The following ARSL variants were observed in gnomAD, a reference collection of about 807,000 sequenced individuals.
ARSL encodes the protein arylsulfatase E (chondrodysplasia punctata 1).
A neutral mutation model predicts 31.1 loss-of-function variants in ARSL; 4 were observed. The observed-to-expected ratio is 0.13, with a 90% CI of 0.06 to 0.29. The LOEUF (loss-of-function observed/expected upper bound fraction) is 0.29. Ranked by LOEUF, ARSL falls within the 10% of genes least tolerant of loss-of-function variation. The pLI, the probability that ARSL is intolerant of heterozygous loss-of-function variation, is 1.00. For synonymous variants in ARSL, 198 were observed against 209.9 expected (o/e 0.94, Z 0.49); for missense variants, 312 against 497.8 (o/e 0.63, Z 3.55).
At position 2,961,333 on chromosome X, in the gene ARSL, G is replaced by A. The variant is rs764875803; in HGVS notation, c.-20-913C>T. The stretch of plus-strand genomic sequence containing the variant: ...CAGGCAGCAAGAGGTCACCTTCAGG[G>A]TACTGCAGTGGTCTGACCCCATGTG... On this transcript the variant is annotated intron_variant, in intron 1 of 10. Transcript: ENST00000381134. Among the ~76,000 whole-genome samples the A allele has an allele frequency of 6.3e-5, 7 of 111,107 alleles. No individual in the cohort carries two copies. The South Asian group carries it at 2.0e-3, about 31-fold the overall frequency.
chrX:2,943,524 T>C (rs952634218), intron 7 of ARSL, among the ~76,000 whole-genome samples: 9 of 108,573 alleles, frequency 8.3e-5, no homozygotes, highest in African/African-American at 3.4e-5. Flanking sequence ...GGAGGATCAT[T>C]TGGGGTCAGG....
chrX:2,954,771 G>A (rs1569108064), intron 4 of ARSL, among the ~76,000 whole-genome samples: 1 of 112,061 alleles, frequency 8.9e-6, no homozygotes, highest in Non-Finnish European at 1.9e-5. Context: ...GGTGAGCCAT[G>A]CTGTGTGACT....
intron 7 of ARSL, 128 bp downstream of exon 7, chrX:2,945,870 T>C: frequency 3.2e-6 from 3 of 942,028 alleles, no homozygotes; most frequent in Non-Finnish European, 4.5e-6. Flanking sequence ...TATTTTGCAC[T>C]CTTAAAATCC....
At chrX:2,955,861 C>A (rs2147394975) in intron 3 of ARSL, among the ~76,000 whole-genome samples, 1 of 111,470 alleles carries the variant, frequency 9.0e-6, no homozygotes, top group African/African-American at 3.3e-5. Flanking sequence ...CCTGTCTCTA[C>A]AAAAAAATCT....
intron 4 of ARSL, among the ~76,000 whole-genome samples, chrX:2,955,074 G>A (rs1213459757): frequency 8.9e-6 from 1 of 111,902 alleles, no homozygotes; most frequent in Non-Finnish European, 1.9e-5. Context: ...TTTGGTTTAT[G>A]CATGAAAGGT....
rs1172349807 is a variant in ARSL, at chrX:2,934,921, T to C, written c.1681A>G (p.Arg561Gly). The C allele has an allele frequency of 8.3e-7, 1 of 1,205,945 alleles. No homozygotes were observed. The highest frequency in any genetic ancestry group is 2.2e-5 in the Admixed American group (1 of 45,553). ...TLSPVPLQLD[R>G]LGNIWRPWLQ... is the part of the protein sequence containing the mutation. ...CACGGTCTCCAGATGTTGCCCAGCC[T>C]GTCCAGCTGCAGAGGAACTGGGCTG... Residue 561 changes from arginine (R) to glycine (G), a missense_variant, in exon 11 of 11, where the codon AGG becomes GGG. Coordinates refer to ENST00000381134, the MANE Select transcript of ARSL (RefSeq NM_000047.3).
At chrX:2,968,120 TAAG>T, upstream of ARSL, 1 of 1,155,317 alleles carries the variant, frequency 8.7e-7, no homozygotes, top group Non-Finnish European at 1.1e-6. Context: ...AGCCGGCCTG[TAAG>T]AAGAAGCCCC....
In ARSL at chrX:2,958,369, G is replaced by A; in HGVS notation, c.90C>T (p.Ser30=). 1 of 1,211,944 alleles carries A rather than the reference G, an allele frequency of 8.3e-7. No individual in the cohort carries two copies. The highest frequency in any genetic ancestry group is 1.1e-6 in the Non-Finnish European group (1 of 895,595). The change falls in exon 3 of 11, where the codon TCC becomes TCT. Residue 30 remains serine, a synonymous_variant. Transcript: ENST00000381134. ...TCGGTCGGGAGGCGGAAATGTCGCT[G>A]GAAGCTGATGGTGCCAAACTTAGCA... The part of the protein sequence containing the change: ...AVLLSLAPSA[S]SDISASRPNI...
At position 2,934,953 on chromosome X, in the gene ARSL, C is replaced by A; in HGVS notation, c.1649G>T (p.Arg550Leu). The A allele has an allele frequency of 8.3e-7, 1 of 1,210,636 alleles. No homozygotes were observed. Among genetic ancestry groups the A allele is most frequent in the East Asian group, 3.0e-5 (1 of 33,794 alleles). ...RVQQAVWEHQRTLSPVPLQLD... is the reference protein window; with the variant it reads ...RVQQAVWEHQLTLSPVPLQLD... Reference sequence around the variant, plus strand: ...CTGCAGAGGAACTGGGCTGAGTGTCCGCTGGTGTTCCCACACCGCCTGCTG... The same window carrying A: ...CTGCAGAGGAACTGGGCTGAGTGTCAGCTGGTGTTCCCACACCGCCTGCTG... Residue 550 changes from arginine (R) to leucine (L), a missense_variant, in exon 11 of 11, where the codon CGG becomes CTG. Arg to Leu is a moderately radical substitution (Grantham distance 102). Coordinates refer to ENST00000381134, the MANE Select transcript of ARSL (RefSeq NM_000047.3).
intron 8 of ARSL, among the ~76,000 whole-genome samples, chrX:2,942,544 G>T (rs1253372884): frequency 9.0e-6 from 1 of 111,307 alleles, no homozygotes; most frequent in East Asian, 2.8e-4. Flanking sequence ...CACGCACCTC[G>T]GCTTCCCAAA....
intron 7 of ARSL, among the ~76,000 whole-genome samples, chrX:2,944,537 C>T (rs376686244): frequency 9.2e-6 from 1 of 108,901 alleles, no homozygotes; most frequent in South Asian, 3.9e-4. Context: ...TTAACTTTTT[C>T]TCCTTCCATG....
intron 6 of ARSL, 83 bp from the exon 7 acceptor site, chrX:2,946,217 A>C: frequency 1.5e-3 from 1,324 of 898,320 alleles, no homozygotes; most frequent in Non-Finnish European, 1.9e-3. Context: ...TACGGATCTC[A>C]CTTGTCACAT....
At chrX:2,942,987 G>A (rs2089300907) in intron 8 of ARSL, 78 bp downstream of exon 8, 1 of 1,157,871 alleles carries the variant, frequency 8.6e-7, no homozygotes. Context: ...TGACCCTCCT[G>A]GAATAGATTG....
chrX:2,948,463 T>A (rs2089415348), intron 6 of ARSL, among the ~76,000 whole-genome samples: 1 of 111,534 alleles, frequency 9.0e-6, no homozygotes, highest in Admixed American at 9.6e-5. Flanking sequence ...GCTAATGGAA[T>A]AAGACTGACC....
chrX:2,937,888 G>A (rs1272679832), intron 9 of ARSL, among the ~76,000 whole-genome samples: 3 of 111,753 alleles, frequency 2.7e-5, no homozygotes, highest in Non-Finnish European at 5.6e-5. Flanking sequence ...CCTTCTCCCC[G>A]TATCTGGTTA....
chrX:2,961,967 G>A (rs767821160), intron 1 of ARSL, among the ~76,000 whole-genome samples: 4 of 106,895 alleles, frequency 3.7e-5, no homozygotes, highest in South Asian at 4.4e-4. Context: ...TGCAAGCTCC[G>A]CCTCCCGGGT....
Position 2,959,422 on chromosome X carries a change from A to T in ARSL, c.23+956T>A, listed in dbSNP as rs762256001. 2.7e-5 allele frequency among the ~76,000 whole-genome samples: 3 copies of T among 111,404 alleles called. No homozygotes were observed. In the South Asian group the frequency reaches 1.1e-3, roughly 43 times the overall value. ...TGGTGACATACAGCCTGCCACTATCATTGCTGCCTCTTTCATCGATGCCAC... is the reference window on the plus strand; with the variant it reads ...TGGTGACATACAGCCTGCCACTATCTTTGCTGCCTCTTTCATCGATGCCAC... On this transcript the variant is annotated intron_variant, in intron 2 of 10. Transcript: ENST00000381134.
intron 5 of ARSL, among the ~76,000 whole-genome samples, chrX:2,952,254 T>C (rs150947408): frequency 8.9e-6 from 1 of 111,855 alleles, no homozygotes; most frequent in African/African-American, 3.2e-5. Context: ...TATTTTTTCT[T>C]ATTTTTTTTT....
chrX:2,935,830 T>C (rs2089193885), intron 10 of ARSL, among the ~76,000 whole-genome samples: 1 of 109,621 alleles, frequency 9.1e-6, no homozygotes, highest in African/African-American at 3.3e-5. Flanking sequence ...GGAGTGCGCC[T>C]GTAATTGTTC....
Sources: gnomAD v4.1 joint callset for allele counts (sites outside exome capture counted in the v4.1 genomes callset) on GRCh38, gnomAD v4.1.1 for gene constraint, MANE v1.5 for transcripts, NCBI Gene and HGNC (gene_info 2026-07-23, HGNC 2026-07-21) for gene names.